The following THSD7B variants were observed in gnomAD, a reference collection of about 807,000 sequenced individuals.
The protein encoded by THSD7B is thrombospondin type 1 domain containing 7B, also known as thrombospondin type-1 domain-containing protein 7B.
A neutral mutation model predicts 213.6 loss-of-function variants in THSD7B; 138 were observed. The observed-to-expected ratio is 0.65, with a 90% CI of 0.56 to 0.74. The LOEUF (loss-of-function observed/expected upper bound fraction) is 0.74, where lower values mean the gene tolerates loss of function less well. Ranked by LOEUF, THSD7B falls within the 30% of genes least tolerant of loss-of-function variation. The probability of loss-of-function intolerance (pLI) is 0.00; values close to 1 mark genes in which losing one functional copy is unlikely to be tolerated. For synonymous variants in THSD7B, 742 were observed against 687.0 expected, an observed-to-expected ratio of 1.08 and a Z score of -1.25; for missense variants, 1,931 against 1,991.5, an observed-to-expected ratio of 0.97 and a Z score of 0.58.
intron 2 of THSD7B, among the ~76,000 whole-genome samples, chr2:137,055,497 T>C (rs1471956022): frequency 6.6e-6 from 1 of 152,218 alleles, no homozygotes; most frequent in Non-Finnish European, 1.5e-5. Flanking sequence ...TTACTGTCCT[T>C]GTGAAAAGAT....
At chr2:137,395,107 A>G (rs1313780594) in intron 12 of THSD7B, among the ~76,000 whole-genome samples, 2 of 142,978 alleles carry the variant, frequency 1.4e-5, no homozygotes, top group East Asian at 4.0e-4. Flanking sequence ...GTCATCTGCA[A>G]ACAGGGACAA....
intron 16 of THSD7B, among the ~76,000 whole-genome samples, chr2:137,566,248 C>T (rs941615623): frequency 6.6e-6 from 1 of 152,102 alleles, no homozygotes; most frequent in Non-Finnish European, 1.5e-5. Flanking sequence ...CATTTTTGTC[C>T]TCTAAGAATT....
intron 2 of THSD7B, among the ~76,000 whole-genome samples, chr2:137,015,082 C>T (rs1225907478): frequency 6.6e-6 from 1 of 152,114 alleles, no homozygotes; most frequent in Non-Finnish European, 1.5e-5. Context: ...ACCACTTACT[C>T]ATATTGCTTT....
chr2:137,380,936 C>A (rs1048256101), intron 12 of THSD7B, among the ~76,000 whole-genome samples: 1 of 152,166 alleles, frequency 6.6e-6, no homozygotes, highest in Non-Finnish European at 1.5e-5. Flanking sequence ...ATGGCTTGTG[C>A]CCATGGCTTG....
chr2:137,656,824 G>A lies in THSD7B; in HGVS notation c.4134G>A (p.Glu1378=). ...PGDCHLTEWS[E]WSTCELTCID... is the part of the protein sequence containing the mutation. ...ACTGCCATTTAACAGAATGGTCAGA[G>A]TGGAGCACATGTGAATTAACCTGCA... The change falls in exon 23 of 28, where the codon GAG becomes GAA. Residue 1378 remains glutamate, a synonymous_variant. Transcript: ENST00000409968. 1.2e-6 allele frequency: 2 copies of A among 1,613,978 alleles called. No homozygotes were observed. Among genetic ancestry groups the A allele is most frequent in the East Asian group, 2.2e-5 (1 of 44,876 alleles).
At chr2:137,172,312 G>A (rs756434245) in intron 7 of THSD7B, among the ~76,000 whole-genome samples, 1 of 152,186 alleles carries the variant, frequency 6.6e-6, no homozygotes, top group African/African-American at 2.4e-5. Flanking sequence ...TGAGCTTCTG[G>A]ATGGGAGATG....
chr2:136,862,889 C>T (rs1272917386), intron 1 of THSD7B, among the ~76,000 whole-genome samples: 1 of 152,186 alleles, frequency 6.6e-6, no homozygotes, highest in African/African-American at 2.4e-5. Flanking sequence ...TAACTGCTAA[C>T]TTAATGGGCC....
Position 137,654,408 on chromosome 2 carries a change from C to T in THSD7B, c.3946-1093C>T, listed in dbSNP as rs139566407. On this transcript the variant is annotated intron_variant, in intron 21 of 27. Transcript: ENST00000409968. Reference sequence around the variant, plus strand: ...TAGTAGTCATCCCTCCCCTCTTTGTCTCTGGATGTCCTTAGGGATGTTTCT... The same window carrying T: ...TAGTAGTCATCCCTCCCCTCTTTGTTTCTGGATGTCCTTAGGGATGTTTCT... 3.8e-3 allele frequency among the ~76,000 whole-genome samples: 577 copies of T among 152,278 alleles called. 12 individuals are homozygous for T. Among genetic ancestry groups the T allele is most frequent in the Admixed American group, 0.035 (540 of 15,290 alleles).
intron 14 of THSD7B, among the ~76,000 whole-genome samples, chr2:137,434,000 A>G (rs1687240508): frequency 6.6e-6 from 1 of 152,142 alleles, no homozygotes; most frequent in African/African-American, 2.4e-5. Flanking sequence ...GACATCTCAT[A>G]TATTAGCTAT....
At chr2:137,051,751 G>T (rs934318403) in intron 2 of THSD7B, among the ~76,000 whole-genome samples, 7 of 152,136 alleles carry the variant, frequency 4.6e-5, no homozygotes, top group African/African-American at 1.7e-4. Flanking sequence ...TGCATGCATG[G>T]TATTAAATCA....
intron 2 of THSD7B, among the ~76,000 whole-genome samples, chr2:136,999,155 T>G (rs1451290712): frequency 6.6e-6 from 1 of 152,200 alleles, no homozygotes; most frequent in African/African-American, 2.4e-5. Context: ...TAGTGTTTCC[T>G]CTGAAAAGAT....
At chr2:137,328,332 C>T (rs1488622129) in intron 12 of THSD7B, among the ~76,000 whole-genome samples, 2 of 152,150 alleles carry the variant, frequency 1.3e-5, no homozygotes, top group African/African-American at 4.8e-5. Context: ...CTAGTAGCAA[C>T]AGATTTTTGA....
intron 12 of THSD7B, among the ~76,000 whole-genome samples, chr2:137,345,654 G>C (rs1325061476): frequency 6.6e-6 from 1 of 151,482 alleles, no homozygotes; most frequent in Non-Finnish European, 1.5e-5. Context: ...CTGTGACCAA[G>C]AAGAGCAATT....
intron 12 of THSD7B, among the ~76,000 whole-genome samples, chr2:137,290,873 C>A (rs1450651318): frequency 1.3e-5 from 2 of 152,130 alleles, no homozygotes; most frequent in Non-Finnish European, 2.9e-5. Flanking sequence ...TTCCCTTTTG[C>A]TAGACCACTG....
At chr2:137,561,230 C>A (rs538553543) in intron 15 of THSD7B, among the ~76,000 whole-genome samples, 7 of 152,102 alleles carry the variant, frequency 4.6e-5, no homozygotes, top group Admixed American at 2.6e-4. Flanking sequence ...AACCAATATA[C>A]AATCAGGTGG....
intron 3 of THSD7B, among the ~76,000 whole-genome samples, chr2:137,077,072 A>G (rs1256384880): frequency 6.8e-6 from 1 of 146,462 alleles, no homozygotes; most frequent in African/African-American, 2.5e-5. Context: ...GAGAACATGC[A>G]GTGTTTGGTT....
At chr2:136,868,767 A>G (rs1022283865) in intron 1 of THSD7B, among the ~76,000 whole-genome samples, 1 of 152,120 alleles carries the variant, frequency 6.6e-6, no homozygotes, top group Non-Finnish European at 1.5e-5. Flanking sequence ...CTTTCTCGAC[A>G]ACATTCACAT....
chr2:136,996,311 CTCTT>C (rs892070665), intron 2 of THSD7B, among the ~76,000 whole-genome samples: 4 of 152,048 alleles, frequency 2.6e-5, no homozygotes, highest in South Asian at 4.1e-4. Flanking sequence ...CTGTCCCTGT[CTCTT>C]TCTTTCTTTC....
At chr2:137,285,762 A>G (rs1295230707) in intron 12 of THSD7B, among the ~76,000 whole-genome samples, 1 of 152,128 alleles carries the variant, frequency 6.6e-6, no homozygotes, top group East Asian at 1.9e-4. Context: ...ACAACATTTC[A>G]TAATCTAGTC....
Sources: allele counts gnomAD v4.1 joint callset (sites outside exome capture counted in the v4.1 genomes callset), GRCh38; gene constraint gnomAD v4.1.1; transcripts MANE v1.5; gene names NCBI Gene and HGNC (gene_info 2026-07-23, HGNC 2026-07-21).